Variants in NBEA observed in about 807,000 individuals in gnomAD.
NBEA encodes the protein neurobeachin.
A neutral mutation model predicts 343.4 loss-of-function variants in NBEA; 44 were observed. That is an observed-to-expected ratio of 0.13 (90% confidence interval 0.10 to 0.16). The LOEUF (loss-of-function observed/expected upper bound fraction) is 0.16. Among genes scored for constraint, NBEA ranks in the 10% least tolerant of loss-of-function variants. The probability of loss-of-function intolerance (pLI) is 1.00; values close to 1 mark genes in which losing one functional copy is unlikely to be tolerated. For missense variants in NBEA, 2,555 were observed against 3,631.3 expected, an observed-to-expected ratio of 0.70 and a Z score of 7.62; for synonymous variants, 1,175 against 1,238.7, an observed-to-expected ratio of 0.95 and a Z score of 1.08.
At chr13:35,015,470 T>C (rs1055553356) in intron 1 of NBEA, among the ~76,000 whole-genome samples, 3 of 152,096 alleles carry the variant, frequency 2.0e-5, no homozygotes, top group Non-Finnish European at 2.9e-5. Context: ...CAGATATCTT[T>C]AACAAAAGCT....
intron 10 of NBEA, among the ~76,000 whole-genome samples, chr13:35,078,292 A>G (rs1336844952): frequency 6.6e-6 from 1 of 152,222 alleles, no homozygotes; most frequent in Admixed American, 6.5e-5. Flanking sequence ...TTTGCTAGTT[A>G]TAGCTGTAGT....
chr13:34,994,487 A>G (rs2152519287), intron 1 of NBEA, among the ~76,000 whole-genome samples: 1 of 152,274 alleles, frequency 6.6e-6, no homozygotes, highest in South Asian at 2.1e-4. Context: ...ATCCTTGGTG[A>G]CCTTTTAAGA....
intron 30 of NBEA, among the ~76,000 whole-genome samples, chr13:35,193,563 TAA>T (rs2072359942): frequency 6.6e-6 from 1 of 151,950 alleles, no homozygotes; most frequent in Non-Finnish European, 1.5e-5. Context: ...TATTCTAATT[TAA>T]GTCTTAGTCT....
At chr13:35,038,102 C>G (rs1039918358) in intron 1 of NBEA, among the ~76,000 whole-genome samples, 6 of 152,152 alleles carry the variant, frequency 3.9e-5, no homozygotes, top group African/African-American at 1.4e-4. Context: ...CACTTTTCCC[C>G]TTTTCCCCTT....
At chr13:34,965,376 G>A (rs1027837167) in intron 1 of NBEA, among the ~76,000 whole-genome samples, 4 of 151,980 alleles carry the variant, frequency 2.6e-5, no homozygotes, top group Non-Finnish European at 4.4e-5. Flanking sequence ...CTGAGTGAAA[G>A]TGTGTATTAG....
chr13:35,067,027 G>A (rs2063677758), intron 8 of NBEA, among the ~76,000 whole-genome samples: 1 of 151,940 alleles, frequency 6.6e-6, no homozygotes, highest in African/African-American at 2.4e-5. Flanking sequence ...ATCCTAGTGA[G>A]TTATATAAAT....
At chr13:35,121,229 C>T (rs556731663) in intron 16 of NBEA, among the ~76,000 whole-genome samples, 2 of 152,156 alleles carry the variant, frequency 1.3e-5, no homozygotes, top group South Asian at 2.1e-4. Context: ...CTTAGCTTCC[C>T]AAGTAACTGG....
intron 6 of NBEA, among the ~76,000 whole-genome samples, chr13:35,053,993 C>T (rs2063155100): frequency 6.6e-6 from 1 of 151,964 alleles, no homozygotes; most frequent in South Asian, 2.1e-4. Context: ...ATTCTTCCTG[C>T]CCAGTACATT....
intron 1 of NBEA, among the ~76,000 whole-genome samples, chr13:34,988,196 A>G (rs890155633): frequency 5.3e-5 from 8 of 150,862 alleles, no homozygotes; most frequent in Non-Finnish European, 1.0e-4. Context: ...CGCCTGTTTG[A>G]GGTGTCAGTC....
intron 10 of NBEA, among the ~76,000 whole-genome samples, chr13:35,072,271 T>C (rs754626791): frequency 6.6e-6 from 1 of 152,126 alleles, no homozygotes; most frequent in Non-Finnish European, 1.5e-5. Flanking sequence ...GAAATACATA[T>C]ATTATCAAAT....
chr13:35,448,250 T>C (rs1015169525), intron 39 of NBEA, among the ~76,000 whole-genome samples: 2 of 152,234 alleles, frequency 1.3e-5, no homozygotes, highest in Non-Finnish European at 2.9e-5. Context: ...CTACATTTTC[T>C]TCTTTGGTAA....
At chr13:35,568,300 G>A (rs994710520) in intron 45 of NBEA, among the ~76,000 whole-genome samples, 5 of 152,116 alleles carry the variant, frequency 3.3e-5, no homozygotes, top group African/African-American at 1.2e-4. Flanking sequence ...TATTATAGAT[G>A]TTAAAGGGAC....
Position 35,439,571 on chromosome 13 carries a change from A to G in NBEA, c.6304+7178A>G, listed in dbSNP as rs2045624491. On this transcript the variant is annotated intron_variant, in intron 39 of 58. Coordinates refer to ENST00000379939, the MANE Select transcript of NBEA (RefSeq NM_001385012.1). ...AGGTTTCAGAAGGTATTTTTATTTT[A>G]GATGTCTCATATTCCTAGATAAAAC... is the stretch of plus-strand genomic sequence containing the variant. Among the ~76,000 whole-genome samples, 15 of 152,322 alleles carry G rather than the reference A, an allele frequency of 9.8e-5. 1 individual carries two copies. In the South Asian group the frequency reaches 3.1e-3, roughly 32 times the overall value.
chr13:35,638,219 A>T (rs1004989698), intron 49 of NBEA, among the ~76,000 whole-genome samples: 5 of 152,324 alleles, frequency 3.3e-5, no homozygotes, highest in African/African-American at 1.2e-4. Flanking sequence ...ACACTACTGA[A>T]CTGTACTCTT....
chr13:35,197,402 T>A (rs2072694721), intron 31 of NBEA, among the ~76,000 whole-genome samples: 1 of 152,170 alleles, frequency 6.6e-6, no homozygotes. Context: ...AGTCAAAAAA[T>A]AATATCTATT....
chr13:35,652,185 G>T lies in NBEA; in HGVS notation c.8035+309G>T, dbSNP rs532765974. 7.1e-4 allele frequency among the ~76,000 whole-genome samples: 108 copies of T among 152,058 alleles called. 1 individual carries two copies. Among genetic ancestry groups the T allele is most frequent in the African/African-American group, 2.5e-3 (105 of 41,488 alleles). ...AGCTCAGTATTATTTAAAATATAAG[G>T]ATTCAAAAAGATTACTAAAGGCTGG... is the stretch of plus-strand genomic sequence containing the variant. On this transcript the variant is annotated intron_variant, in intron 53 of 58. Coordinates refer to ENST00000379939, the MANE Select transcript of NBEA (RefSeq NM_001385012.1).
chr13:35,366,334 A>G (rs2041108457), intron 38 of NBEA, among the ~76,000 whole-genome samples: 1 of 151,474 alleles, frequency 6.6e-6, no homozygotes, highest in Non-Finnish European at 1.5e-5. Context: ...CTAACAGATA[A>G]CACTTACTAG....
intron 41 of NBEA, among the ~76,000 whole-genome samples, chr13:35,494,563 A>T (rs952800299): frequency 6.6e-6 from 1 of 152,048 alleles, no homozygotes; most frequent in East Asian, 1.9e-4. Flanking sequence ...AAATAGATGT[A>T]GTTAAAAAAC....
chr13:35,432,731 A>G (rs1213354844), intron 39 of NBEA, among the ~76,000 whole-genome samples: 1 of 151,990 alleles, frequency 6.6e-6, no homozygotes, highest in African/African-American at 2.4e-5. Context: ...ACCAAGACCC[A>G]TAGTAAATAC....
Sources: allele counts gnomAD v4.1 joint callset (sites outside exome capture counted in the v4.1 genomes callset), GRCh38; gene constraint gnomAD v4.1.1; transcripts MANE v1.5; gene names NCBI Gene and HGNC (gene_info 2026-07-23, HGNC 2026-07-21).